The following SCLT1 variants were observed in gnomAD, a reference collection of about 807,000 sequenced individuals.
SCLT1 encodes sodium channel-associated protein 1.
A neutral mutation model predicts 112.8 loss-of-function variants in SCLT1; 78 were observed. The observed-to-expected ratio is 0.69, with a 90% CI of 0.58 to 0.83. The LOEUF (loss-of-function observed/expected upper bound fraction) is 0.83. Among genes scored for constraint, SCLT1 ranks in the 40% least tolerant of loss-of-function variants. The probability of loss-of-function intolerance (pLI) is 0.00; values close to 1 mark genes in which losing one functional copy is unlikely to be tolerated. For synonymous variants in SCLT1, 257 were observed against 254.7 expected (o/e 1.01, Z -0.09); for missense variants, 747 against 770.4 (o/e 0.97, Z 0.36).
rs748016951 is a variant in SCLT1 at position 129,043,428 on chromosome 4, T to C, written c.201A>G (p.Leu67=). The change falls in exon 4 of 21, where the codon CTA becomes CTG. Residue 67 remains leucine (L), a synonymous_variant. Coordinates refer to ENST00000281142, the MANE Select transcript of SCLT1 (RefSeq NM_144643.4). ...ATTTCAGCTGCCCATTTAGTTCTCC[T>C]AGGTGTTTATCATACTCAGTAACAA... The part of the protein sequence containing the change: ...APLVTEYDKH[L]GELNGQLKYY... The C allele has an allele frequency of 3.2e-6, 5 of 1,548,074 alleles. No homozygotes were observed. The highest frequency in any genetic ancestry group is 2.3e-5 in the East Asian group (1 of 44,200).
intron 9 of SCLT1, among the ~76,000 whole-genome samples, chr4:128,981,060 C>G (rs909564959): frequency 2.0e-5 from 3 of 152,140 alleles, no homozygotes; most frequent in Non-Finnish European, 4.4e-5. Context: ...TAGTACTGTG[C>G]TAGATGATGG....
Position 129,082,392 on chromosome 4 carries a change from C to T in SCLT1, c.35-19G>A. 1 of 1,519,774 alleles carries T rather than the reference C, an allele frequency of 6.6e-7. No homozygotes were observed. The highest frequency in any genetic ancestry group is 9.0e-7 in the Non-Finnish European group (1 of 1,107,312). 94.1% of individuals were successfully genotyped at this position (1,519,774 alleles called of 1,614,324 possible). ...CTTCGATCTGAAACAAGCGGGAAAA[C>T]AGATTTCAGTTCATTGAGTAATGGT... On this transcript the variant is annotated intron_variant, in intron 1 of 20. Transcript: ENST00000281142.
At chr4:128,973,914 T>C (rs1740923636) in intron 9 of SCLT1, among the ~76,000 whole-genome samples, 1 of 152,116 alleles carries the variant, frequency 6.6e-6, no homozygotes, top group African/African-American at 2.4e-5. Context: ...ATATCTACTT[T>C]TGGCAGGAAG....
intron 17 of SCLT1, 24 bp downstream of exon 17, chr4:128,942,972 A>T (rs377157830): frequency 2.4e-5 from 37 of 1,546,008 alleles, no homozygotes; most frequent in Non-Finnish European, 3.3e-5. Flanking sequence ...ATAAGTACAC[A>T]TTTAACTCTA....
At chr4:128,896,911 A>T (rs1484175851) in intron 18 of SCLT1, among the ~76,000 whole-genome samples, 2 of 152,354 alleles carry the variant, frequency 1.3e-5, no homozygotes, top group Non-Finnish European at 2.9e-5. Context: ...ATCAACTGGA[A>T]GAAAGGGTAT....
At chr4:129,006,110 T>C (rs1216838981) in intron 5 of SCLT1, among the ~76,000 whole-genome samples, 1 of 151,562 alleles carries the variant, frequency 6.6e-6, no homozygotes, top group African/African-American at 2.4e-5. Flanking sequence ...GGCACAGGTA[T>C]ACATATGTAA....
At chr4:128,923,596 T>A (rs1233316861) in intron 18 of SCLT1, among the ~76,000 whole-genome samples, 1 of 152,032 alleles carries the variant, frequency 6.6e-6, no homozygotes, top group Non-Finnish European at 1.5e-5. Context: ...TTCTCTAGAA[T>A]TTCACACATA....
At chr4:128,943,233 T>A in intron 16 of SCLT1, 45 bp from the exon 17 acceptor site, 1 of 1,330,344 alleles carries the variant, frequency 7.5e-7, no homozygotes, top group Non-Finnish European at 1.0e-6. Context: ...CTTAATGATC[T>A]ATAGTAGAAG....
At chr4:128,941,689 A>C (rs1737705495) in intron 17 of SCLT1, among the ~76,000 whole-genome samples, 1 of 151,866 alleles carries the variant, frequency 6.6e-6, no homozygotes, top group Non-Finnish European at 1.5e-5. Context: ...TTCAGCTTGG[A>C]TTTTTCACCA....
chr4:129,027,132 A>G (rs1288761549), intron 5 of SCLT1, among the ~76,000 whole-genome samples: 1 of 152,132 alleles, frequency 6.6e-6, no homozygotes, highest in Admixed American at 6.6e-5. Context: ...ACAAGGAGGA[A>G]CTGGTACCAT....
At chr4:128,900,106 T>G in intron 18 of SCLT1, among the ~76,000 whole-genome samples, 1 of 152,138 alleles carries the variant, frequency 6.6e-6, no homozygotes, top group East Asian at 1.9e-4. Flanking sequence ...CTGCCCAAGG[T>G]AATTTATAGA....
intron 18 of SCLT1, among the ~76,000 whole-genome samples, chr4:128,910,451 G>A (rs143369866): frequency 3.6e-4 from 55 of 152,182 alleles, no homozygotes; most frequent in Admixed American, 9.8e-4. Context: ...CTTTCTATTA[G>A]GTTGTTAACC....
At chr4:129,058,830 T>C (rs1018490078) in intron 2 of SCLT1, among the ~76,000 whole-genome samples, 1 of 152,170 alleles carries the variant, frequency 6.6e-6, no homozygotes, top group Non-Finnish European at 1.5e-5. Context: ...TGTATTACAG[T>C]CTATCTATCA....
At chr4:129,047,258 C>G (rs1396106296) in intron 2 of SCLT1, among the ~76,000 whole-genome samples, 1 of 152,022 alleles carries the variant, frequency 6.6e-6, no homozygotes, top group Non-Finnish European at 1.5e-5. Context: ...TTTAGATATG[C>G]AATCAATGCA....
intron 17 of SCLT1, among the ~76,000 whole-genome samples, chr4:128,938,057 T>C (rs1281829680): frequency 6.6e-6 from 1 of 152,206 alleles, no homozygotes; most frequent in Non-Finnish European, 1.5e-5. Flanking sequence ...TATTGTACTC[T>C]CAGGCCATCT....
chr4:128,882,666 G>A (rs754479018), downstream of SCLT1, among the ~76,000 whole-genome samples: 1 of 152,144 alleles, frequency 6.6e-6, no homozygotes, highest in Non-Finnish European at 1.5e-5. Flanking sequence ...TACTCTGTTG[G>A]GGGGAAGATG....
intron 18 of SCLT1, among the ~76,000 whole-genome samples, chr4:128,918,007 C>T (rs962860173): frequency 2.0e-5 from 3 of 152,122 alleles, no homozygotes; most frequent in Non-Finnish European, 4.4e-5. Context: ...GAAGAAAAAA[C>T]GTATTCTTCT....
chr4:129,037,341 G>A (rs757250495), intron 5 of SCLT1: 1 of 152,146 alleles, frequency 6.6e-6, no homozygotes, highest in Admixed American at 6.5e-5. Context: ...CAGATGTCTT[G>A]CAGCTGAAGT....
chr4:129,046,875 G>A (rs1288162452), intron 2 of SCLT1, among the ~76,000 whole-genome samples: 1 of 152,042 alleles, frequency 6.6e-6, no homozygotes, highest in East Asian at 1.9e-4. Flanking sequence ...GTATTTCATT[G>A]TGGTTTGAAT....
Sources: gnomAD v4.1 joint callset for allele counts (sites outside exome capture counted in the v4.1 genomes callset) on GRCh38, gnomAD v4.1.1 for gene constraint, MANE v1.5 for transcripts, NCBI Gene and HGNC (gene_info 2026-07-23, HGNC 2026-07-21) for gene names.